DNAJC11: variants seen among roughly 807,000 people sequenced by gnomAD.
DNAJC11 encodes the protein dnaJ homolog subfamily C member 11.
DNAJC11 carries 15 observed loss-of-function variants against 78.6 expected under a neutral mutation model. The observed-to-expected ratio is 0.19, with a 90% CI of 0.13 to 0.29. DNAJC11 has a LOEUF of 0.29. Ranked by LOEUF, DNAJC11 falls within the 10% of genes least tolerant of loss-of-function variation. The pLI is 1.00. For missense variants in DNAJC11, 547 were observed against 709.6 expected (o/e 0.77, Z 2.60); for synonymous variants, 292 against 272.1 (o/e 1.07, Z -0.72).
In DNAJC11 at chr1:6,678,451, T is replaced by G. The variant is rs767356663; in HGVS notation, c.219A>C (p.Gln73His). 1.2e-6 allele frequency: 2 copies of G among 1,613,726 alleles called. No homozygotes were observed. Among genetic ancestry groups the G allele is most frequent in the African/African-American group, 2.7e-5 (2 of 74,884 alleles). Residue 73 changes from glutamine to histidine, a missense_variant, in exon 3 of 16, where the codon CAA becomes CAC. Physicochemically the swap from Gln to His is conservative, Grantham distance 24. Transcript: ENST00000377577. ...HQAYEVLSDP[Q>H]TRAIYDIYGK... ...CATATATATCATAGATGGCCCTGGTTTGGGGGTCACTAAGCACTGCAAATT... is the reference window on the plus strand; with the variant it reads ...CATATATATCATAGATGGCCCTGGTGTGGGGGTCACTAAGCACTGCAAATT...
intron 3 of DNAJC11, among the ~76,000 whole-genome samples, chr1:6,668,739 G>A (rs1015461140): frequency 2.6e-5 from 4 of 152,074 alleles, no homozygotes; most frequent in African/African-American, 9.7e-5. Flanking sequence ...TGGTGGGTCT[G>A]AGTGTTTTCA....
intron 1 of DNAJC11, among the ~76,000 whole-genome samples, chr1:6,689,253 T>G (rs1049010925): frequency 1.3e-5 from 2 of 152,080 alleles, no homozygotes; most frequent in Non-Finnish European, 2.9e-5. Flanking sequence ...AAGGCTGAGG[T>G]TGTGCGGCCA....
intron 10 of DNAJC11, among the ~76,000 whole-genome samples, chr1:6,642,434 AG>A (rs1641892219): frequency 6.6e-6 from 1 of 152,182 alleles, no homozygotes. Context: ...GTACATGTTC[AG>A]GAGATGATTT....
In DNAJC11 at chr1:6,653,931, G is replaced by T. The variant is rs755635256; in HGVS notation, c.487C>A (p.His163Asn). The T allele has an allele frequency of 6.2e-7, 1 of 1,612,902 alleles. No individual in the cohort carries two copies. The highest frequency in any genetic ancestry group is 8.5e-7 in the Non-Finnish European group (1 of 1,179,096). Residue 163 changes from histidine to asparagine, a missense_variant, in exon 5 of 16, where the codon CAC becomes AAC. His to Asn is a moderately conservative substitution (Grantham distance 68, BLOSUM62 1). Transcript: ENST00000377577. The surrounding 1 kb of genome is among the most constrained non-coding windows in gnomAD (Gnocchi z 4.5). ...TTTACCTCAATGGACTGGGATATGT[G>T]CATTTTATTAATTTCAATCTGCGGA... is the stretch of plus-strand genomic sequence containing the variant. ...SFPQIEINKMHISQSIEAPLT... is the reference protein window; with the variant it reads ...SFPQIEINKMNISQSIEAPLT...
chr1:6,674,293 G>A lies in DNAJC11; in HGVS notation c.276+4101C>T, dbSNP rs1318842682. Among the ~76,000 whole-genome samples, 8 of 152,198 alleles carry A rather than the reference G, an allele frequency of 5.3e-5. 1 individual carries two copies. The South Asian group carries it at 1.7e-3, about 32-fold the overall frequency. On this transcript the variant is annotated intron_variant, in intron 3 of 15. Transcript: ENST00000377577. ...AAAAGTGGGGGGGCTGGGCACGGTGGCTCACATTTGTAATCCCAGCACTTT... is the reference window on the plus strand; with the variant it reads ...AAAAGTGGGGGGGCTGGGCACGGTGACTCACATTTGTAATCCCAGCACTTT...
intron 3 of DNAJC11, among the ~76,000 whole-genome samples, chr1:6,676,489 G>A (rs1283547750): frequency 6.6e-6 from 1 of 152,014 alleles, no homozygotes; most frequent in African/African-American, 2.4e-5. Context: ...AGACCAGCCT[G>A]GGCAACATAG....
intron 4 of DNAJC11, among the ~76,000 whole-genome samples, chr1:6,660,903 C>T (rs1186956237): frequency 6.6e-6 from 1 of 152,200 alleles, no homozygotes. Flanking sequence ...AAACTTCTTA[C>T]CAGGTAGGAA....
intron 9 of DNAJC11, 54 bp from the exon 10 acceptor site, chr1:6,644,728 G>T: frequency 6.7e-7 from 1 of 1,485,382 alleles, no homozygotes; most frequent in Non-Finnish European, 9.4e-7. Context: ...CACTTCAGGG[G>T]CAGCTGTCAT....
intron 1 of DNAJC11, among the ~76,000 whole-genome samples, chr1:6,698,777 A>G (rs965211523): frequency 6.6e-6 from 1 of 151,302 alleles, no homozygotes; most frequent in African/African-American, 2.4e-5. Flanking sequence ...CCCTGTCTCT[A>G]CAAAAACTAC....
chr1:6,636,784 C>T (rs953704125), intron 14 of DNAJC11, among the ~76,000 whole-genome samples: 4 of 152,162 alleles, frequency 2.6e-5, no homozygotes, highest in Non-Finnish European at 4.4e-5. Context: ...ATGCTGATGA[C>T]GGCAAAGATC....
At chr1:6,679,773 C>T (rs1443883432) in intron 2 of DNAJC11, among the ~76,000 whole-genome samples, 2 of 152,164 alleles carry the variant, frequency 1.3e-5, no homozygotes, top group Non-Finnish European at 2.9e-5. Context: ...TAGGGTTTTT[C>T]TTTAACTCTT....
At chr1:6,652,303 A>C (rs991861105) in intron 6 of DNAJC11, among the ~76,000 whole-genome samples, 1 of 152,216 alleles carries the variant, frequency 6.6e-6, no homozygotes, top group Admixed American at 6.5e-5. Context: ...TTTTGCTCAA[A>C]GGGAACAAAC....
intron 10 of DNAJC11, among the ~76,000 whole-genome samples, chr1:6,643,879 T>TC (rs1641923583): frequency 6.7e-6 from 1 of 149,956 alleles, no homozygotes; most frequent in African/African-American, 2.4e-5. Flanking sequence ...AGCAACTGTA[T>TC]TTTTTTTTTG....
At chr1:6,701,291 C>T (rs1307197655) in intron 1 of DNAJC11, among the ~76,000 whole-genome samples, 1 of 152,168 alleles carries the variant, frequency 6.6e-6, no homozygotes, top group Admixed American at 6.5e-5. Context: ...TCCCTAGTGG[C>T]CTTGACCTTG....
intron 1 of DNAJC11, among the ~76,000 whole-genome samples, chr1:6,689,526 G>A (rs1003770377): frequency 2.0e-5 from 3 of 152,160 alleles, no homozygotes; most frequent in East Asian, 1.9e-4. Flanking sequence ...GGGGGCTCAC[G>A]CCTGTAATCC....
At position 6,653,765 on chromosome 1, in the gene DNAJC11, G is replaced by A. The variant is rs1226917427; in HGVS notation, c.507+146C>T. 1.1e-5 allele frequency: 12 copies of A among 1,101,694 alleles called. No homozygotes were observed. The highest frequency in any genetic ancestry group is 3.0e-5 in the South Asian group (2 of 66,930). The allele number at this position is 1,101,694 out of a possible 1,614,324, so 68.2% of individuals were successfully genotyped here. Reference sequence around the variant, plus strand: ...GGTAACACACGGCTGGGAATGAAGCGCTTTCTTTTTTAAGTGGCTAATTGC... The same window carrying A: ...GGTAACACACGGCTGGGAATGAAGCACTTTCTTTTTTAAGTGGCTAATTGC... On this transcript the variant is annotated intron_variant, in intron 5 of 15. Transcript: ENST00000377577. This position sits in a 1 kb window ranked among gnomAD's most constrained non-coding sequence, Gnocchi z 4.5.
chr1:6,694,963 A>G (rs1359133568), intron 1 of DNAJC11, among the ~76,000 whole-genome samples: 9 of 134,398 alleles, frequency 6.7e-5, no homozygotes, highest in African/African-American at 2.5e-4. Flanking sequence ...CAACAAAGCG[A>G]GACTCCGAAT....
At chr1:6,681,718 TG>T (rs1642556499) in intron 1 of DNAJC11, among the ~76,000 whole-genome samples, 1 of 151,842 alleles carries the variant, frequency 6.6e-6, no homozygotes, top group Non-Finnish European at 1.5e-5. Flanking sequence ...GGGGGGCGGG[TG>T]CCAATGAGGC....
rs1221002556 is a variant in DNAJC11 at position 6,634,843 on chromosome 1, G to A, written c.*832C>T. ...CGCCTTTGGGTTGGGTGTGTCTGAT[G>A]TCTTGCCAAGCGCCTGGTCCTGTCC... On this transcript the variant is annotated 3_prime_UTR_variant, in exon 16 of 16. Transcript: ENST00000377577. 2 of 1,237,494 alleles carry A rather than the reference G, an allele frequency of 1.6e-6. No homozygotes were observed. The highest frequency in any genetic ancestry group is 1.6e-5 in the African/African-American group (1 of 64,178). The allele number at this position is 1,237,494 out of a possible 1,614,324, so 76.7% of individuals were successfully genotyped here.
Sources: gnomAD v4.1 joint callset for allele counts (sites outside exome capture counted in the v4.1 genomes callset) on GRCh38, gnomAD v4.1.1 for gene constraint, Gnocchi (gnomAD v3.1) non-coding constraint, MANE v1.5 for transcripts, NCBI Gene and HGNC (gene_info 2026-07-23, HGNC 2026-07-21) for gene names.